Variants in FTO observed in about 807,000 individuals in gnomAD.
FTO encodes FTO alpha-ketoglutarate dependent dioxygenase.
Under a neutral mutation model 63.9 loss-of-function variants are expected in FTO, and 47 were observed. The ratio of observed to expected loss-of-function variants is 0.74; its 90% confidence interval spans 0.58 to 0.94. FTO has a LOEUF of 0.94. FTO is among the 40% of genes least tolerant of loss of function. The pLI is 0.00. For missense variants in FTO, 562 were observed against 618.1 expected (o/e 0.91, Z 0.96); for synonymous variants, 207 against 224.4 (o/e 0.92, Z 0.69).
At chr16:54,055,095 G>A (rs554257370) in intron 8 of FTO, among the ~76,000 whole-genome samples, 4 of 152,184 alleles carry the variant, frequency 2.6e-5, no homozygotes, top group African/African-American at 4.8e-5. Flanking sequence ...TTTAGCTTCC[G>A]TTAGTTCATA....
chr16:54,041,570 A>C (rs2085075682), intron 8 of FTO, among the ~76,000 whole-genome samples: 1 of 152,138 alleles, frequency 6.6e-6, no homozygotes, highest in South Asian at 2.1e-4. Flanking sequence ...CTAAGGAAGG[A>C]AGATTTCCAC....
chr16:54,032,666 CT>C (rs67786329), intron 8 of FTO, among the ~76,000 whole-genome samples: 20,665 of 152,052 alleles, frequency 0.14, 2,987 homozygotes, highest in African/African-American at 0.36. Context: ...TAAAGGCTTG[CT>C]TATTTCTTCA....
chr16:53,775,307 C>T (rs189077960), intron 1 of FTO, among the ~76,000 whole-genome samples: 1 of 152,142 alleles, frequency 6.6e-6, no homozygotes, highest in African/African-American at 2.4e-5. Flanking sequence ...ATGGCCCCAC[C>T]TTTCCTAGTC....
At chr16:53,925,873 AAAG>A (rs2082126069) in intron 7 of FTO, among the ~76,000 whole-genome samples, 1 of 152,198 alleles carries the variant, frequency 6.6e-6, no homozygotes, top group Admixed American at 6.5e-5. Flanking sequence ...TTTTTCCAAG[AAAG>A]ACAGGAAACT....
intron 8 of FTO, among the ~76,000 whole-genome samples, chr16:53,964,828 T>C (rs1237620267): frequency 6.6e-6 from 1 of 152,240 alleles, no homozygotes; most frequent in East Asian, 1.9e-4. Flanking sequence ...TATAGCCTTA[T>C]ATCAGCTCAA....
intron 1 of FTO, among the ~76,000 whole-genome samples, chr16:53,731,228 G>C (rs1437453940): frequency 1.3e-5 from 2 of 152,154 alleles, no homozygotes; most frequent in South Asian, 4.1e-4. Flanking sequence ...AGGAAAGGAA[G>C]AACAAAATCT....
At chr16:53,752,095 G>A (rs955792218) in intron 1 of FTO, among the ~76,000 whole-genome samples, 4 of 152,156 alleles carry the variant, frequency 2.6e-5, no homozygotes, top group Non-Finnish European at 5.9e-5. Context: ...GGCAGAACAC[G>A]AGCAATCTAA....
chr16:53,881,157 A>C (rs1197619181), intron 6 of FTO, among the ~76,000 whole-genome samples: 1 of 150,912 alleles, frequency 6.6e-6, no homozygotes, highest in Non-Finnish European at 1.5e-5. Context: ...AAATAAAAAT[A>C]AAATAAAAAA....
intron 7 of FTO, 99 bp from the exon 8 acceptor site, chr16:53,933,886 T>TA: frequency 8.3e-7 from 1 of 1,210,260 alleles, no homozygotes; most frequent in Non-Finnish European, 1.2e-6. Flanking sequence ...GGAACTGTAA[T>TA]AAAAAAGCCA....
rs1426208380 is a variant in FTO, at chr16:54,112,795, A to G, written c.*880A>G. On this transcript the variant is annotated 3_prime_UTR_variant, in exon 9 of 9. Coordinates refer to ENST00000471389, the MANE Select transcript of FTO (RefSeq NM_001080432.3). ...TTGAAAGAGACACAGCCCCATTTAC[A>G]TTATTTCGTGGATTTCACCAGCATA... 6.6e-6 allele frequency: 1 copy of G among 152,148 alleles called. No individual in the cohort carries two copies. The highest frequency in any genetic ancestry group is 2.1e-4 in the South Asian group (1 of 4,830). The allele number at this position is 152,148 out of a possible 1,614,324, so 9.4% of individuals were successfully genotyped here. A position where few individuals can be genotyped will look rare whatever the true frequency, so the allele number is the denominator to read the frequency against.
chr16:53,759,577 C>A, intron 1 of FTO, among the ~76,000 whole-genome samples: 1 of 151,440 alleles, frequency 6.6e-6, no homozygotes, highest in East Asian at 1.9e-4. Flanking sequence ...ACCTGTAATC[C>A]CAGCTGCTTG....
intron 6 of FTO, among the ~76,000 whole-genome samples, chr16:53,883,135 C>T (rs1468683800): frequency 1.3e-5 from 2 of 152,208 alleles, no homozygotes; most frequent in East Asian, 1.9e-4. Flanking sequence ...GTAGTTATTT[C>T]CTTCGCAAAA....
chr16:53,725,437 G>A (rs1372754103), intron 1 of FTO, among the ~76,000 whole-genome samples: 1 of 152,214 alleles, frequency 6.6e-6, no homozygotes, highest in Non-Finnish European at 1.5e-5. Flanking sequence ...TAGTATGTGA[G>A]TGTGTACTTA....
chr16:54,044,839 A>C (rs1439100287), intron 8 of FTO, among the ~76,000 whole-genome samples: 1 of 90,464 alleles, frequency 1.1e-5, no homozygotes, highest in Non-Finnish European at 1.9e-5. Flanking sequence ...GAAACTGAAC[A>C]ACCTGCTCCT....
chr16:53,886,247 A>G (rs1461555155), intron 6 of FTO, among the ~76,000 whole-genome samples: 1 of 152,190 alleles, frequency 6.6e-6, no homozygotes, highest in African/African-American at 2.4e-5. Flanking sequence ...TGGATAAACT[A>G]ATTACATATG....
chr16:53,774,492 T>C (rs765117091), intron 1 of FTO, among the ~76,000 whole-genome samples: 8 of 152,132 alleles, frequency 5.3e-5, no homozygotes, highest in African/African-American at 9.7e-5. Flanking sequence ...TATTTTCATA[T>C]ACTGTGGCCT....
intron 8 of FTO, among the ~76,000 whole-genome samples, chr16:54,098,898 T>C (rs1159494897): frequency 6.6e-6 from 1 of 152,204 alleles, no homozygotes; most frequent in East Asian, 1.9e-4. Context: ...AGAAATGTTT[T>C]TTAGAATGTT....
chr16:54,075,042 G>A (rs1397112883), intron 8 of FTO, among the ~76,000 whole-genome samples: 2 of 151,986 alleles, frequency 1.3e-5, no homozygotes, highest in East Asian at 3.9e-4. Context: ...TGAGGTAGCA[G>A]TATTTTCTTA....
chr16:53,818,896 T>C (rs2078772966), intron 2 of FTO, among the ~76,000 whole-genome samples: 1 of 152,162 alleles, frequency 6.6e-6, no homozygotes, highest in Non-Finnish European at 1.5e-5. Context: ...ATGATGAATA[T>C]TCTTATAATC....
Sources: allele counts gnomAD v4.1 joint callset (sites outside exome capture counted in the v4.1 genomes callset), GRCh38; gene constraint gnomAD v4.1.1; transcripts MANE v1.5; gene names NCBI Gene and HGNC (gene_info 2026-07-23, HGNC 2026-07-21).